The following NUDCD3 variants were observed in gnomAD, a reference collection of about 807,000 sequenced individuals.
NUDCD3 encodes nudC domain-containing protein 3.
Under a neutral mutation model 39.7 loss-of-function variants are expected in NUDCD3, and 13 were observed. The observed-to-expected ratio is 0.33, with a 90% confidence interval of 0.21 to 0.52. The LOEUF (loss-of-function observed/expected upper bound fraction) is 0.52. Among genes scored for constraint, NUDCD3 ranks in the 20% least tolerant of loss-of-function variants. The probability of loss-of-function intolerance (pLI) is 0.96; values close to 1 mark genes in which losing one functional copy is unlikely to be tolerated. For missense variants in NUDCD3, 453 were observed against 458.1 expected, an observed-to-expected ratio of 0.99 and a Z score of 0.10; for synonymous variants, 175 against 172.4, an observed-to-expected ratio of 1.02 and a Z score of -0.12.
chr7:44,386,209 C>T, intron 5 of NUDCD3, 88 bp from the exon 6 acceptor site: 1 of 1,420,654 alleles, frequency 7.0e-7, no homozygotes, highest in Non-Finnish European at 9.8e-7. Context: ...GGTAGAGAGC[C>T]TTCTTGCTTC....
intron 5 of NUDCD3, among the ~76,000 whole-genome samples, 195 bp from the exon 6 acceptor site, chr7:44,386,316 A>C (rs1798401687): frequency 6.6e-6 from 1 of 152,158 alleles, no homozygotes; most frequent in African/African-American, 2.4e-5. Context: ...GGTGCCTGCC[A>C]ATTTCTCTCC....
chr7:44,392,193 C>T, intron 5 of NUDCD3, 104 bp downstream of exon 5: 4 of 1,154,786 alleles, frequency 3.5e-6, no homozygotes, highest in Non-Finnish European at 5.0e-6. Context: ...CTGGTCCACA[C>T]AACCTTCTTC....
At chr7:44,411,356 G>T (rs1331066719) in intron 3 of NUDCD3, among the ~76,000 whole-genome samples, 1 of 152,128 alleles carries the variant, frequency 6.6e-6, no homozygotes, top group East Asian at 1.9e-4. Context: ...TAAAATGGGA[G>T]AAAATATCTG....
At chr7:44,461,749 G>A (rs148927253) in intron 2 of NUDCD3, among the ~76,000 whole-genome samples, 18 of 152,222 alleles carry the variant, frequency 1.2e-4, no homozygotes, top group East Asian at 3.9e-4. Context: ...TTTGGGATCC[G>A]GGCCCTAACC....
chr7:44,464,719 G>T (rs997758300), intron 2 of NUDCD3, among the ~76,000 whole-genome samples: 17 of 152,188 alleles, frequency 1.1e-4, no homozygotes, highest in African/African-American at 3.9e-4. Flanking sequence ...CTCCCAAAGG[G>T]CTAGGATTAC....
intron 2 of NUDCD3, among the ~76,000 whole-genome samples, chr7:44,455,887 G>A (rs889125267): frequency 2.0e-4 from 30 of 150,090 alleles, no homozygotes; most frequent in African/African-American, 5.6e-4. Flanking sequence ...TTAGCCGGGC[G>A]TAGTGGCGGG....
chr7:44,439,852 T>C (rs1055761849), intron 2 of NUDCD3, among the ~76,000 whole-genome samples: 6 of 152,068 alleles, frequency 3.9e-5, no homozygotes, highest in Admixed American at 3.3e-4. Flanking sequence ...AATAGGAAAT[T>C]GCCATTAAAA....
In NUDCD3 at chr7:44,405,103, T is replaced by C. The variant is rs185704501; in HGVS notation, c.643-520A>G. Reference sequence around the variant, plus strand: ...AGCCACTGCACTGCCTGGTTGACTATAGCCTGGTCTTCATCCAAGAGTATG... The same window carrying C: ...AGCCACTGCACTGCCTGGTTGACTACAGCCTGGTCTTCATCCAAGAGTATG... On this transcript the variant is annotated intron_variant, in intron 3 of 5. Transcript: ENST00000355451. 1.0e-3 allele frequency among the ~76,000 whole-genome samples: 159 copies of C among 152,356 alleles called. No homozygotes were observed. In the Middle Eastern group the frequency reaches 0.024, roughly 23 times the overall value.
intron 2 of NUDCD3, among the ~76,000 whole-genome samples, chr7:44,458,464 A>G (rs1799943109): frequency 6.6e-6 from 1 of 152,104 alleles, no homozygotes; most frequent in African/African-American, 2.4e-5. Context: ...GTTTGTGACT[A>G]GCCTGACCAA....
At chr7:44,468,093 C>T (rs1800162226) in intron 2 of NUDCD3, 1 of 1,611,136 alleles carries the variant, frequency 6.2e-7, no homozygotes, top group Non-Finnish European at 8.5e-7. Flanking sequence ...AACAAAAAAA[C>T]AAAGCACATG....
In NUDCD3 at chr7:44,470,823, CCAAAA is replaced by C. The variant is rs1188588445; in HGVS notation, c.509+14140_509+14144del. Reference sequence around the variant, plus strand: ...TTTATTTATCTTTACTTTGACCAAACCAAAACAAGAGTTCAAACTACTACCAAGTT... The same window carrying C: ...TTTATTTATCTTTACTTTGACCAAACCAAGAGTTCAAACTACTACCAAGTT... On this transcript the variant is annotated intron_variant, in intron 2 of 5. Coordinates refer to ENST00000355451, the MANE Select transcript of NUDCD3 (RefSeq NM_015332.4). Among the ~76,000 whole-genome samples, 4 of 152,294 alleles carry C rather than the reference CCAAAA, an allele frequency of 2.6e-5. No homozygotes were observed. In the East Asian group the frequency reaches 5.8e-4, roughly 22 times the overall value.
rs548393769 is a variant in NUDCD3 at position 44,410,673 on chromosome 7, A to G, written c.643-6090T>C. Reference sequence around the variant, plus strand: ...AGCAAGACTCTGTCTCAAAAAAAAAAAAGTCTAGTAACAGGCCAGGCATGG... The same window carrying G: ...AGCAAGACTCTGTCTCAAAAAAAAAGAAGTCTAGTAACAGGCCAGGCATGG... On this transcript the variant is annotated intron_variant, in intron 3 of 5. Transcript: ENST00000355451. Among the ~76,000 whole-genome samples, 60 of 150,194 alleles carry G rather than the reference A, an allele frequency of 4.0e-4. No homozygotes were observed. In the Middle Eastern group the frequency reaches 0.011, roughly 26 times the overall value.
chr7:44,461,849 C>G (rs565852183), intron 2 of NUDCD3, among the ~76,000 whole-genome samples: 13 of 152,104 alleles, frequency 8.5e-5, no homozygotes, highest in African/African-American at 3.1e-4. Flanking sequence ...TGCAGGGCCA[C>G]AGAAGCCAAG....
intron 5 of NUDCD3, among the ~76,000 whole-genome samples, chr7:44,391,014 TAG>T (rs934042979): frequency 6.6e-6 from 1 of 152,086 alleles, no homozygotes; most frequent in Non-Finnish European, 1.5e-5. Context: ...TTCTCTTCCA[TAG>T]AGACAAGGGC....
intron 2 of NUDCD3, among the ~76,000 whole-genome samples, chr7:44,457,026 T>C (rs1323980215): frequency 1.3e-5 from 2 of 149,268 alleles, no homozygotes; most frequent in East Asian, 3.9e-4. Context: ...TATAACCTGG[T>C]TAAAAAAAAA....
chr7:44,387,953 A>T (rs1458358775), intron 5 of NUDCD3, among the ~76,000 whole-genome samples: 1 of 152,210 alleles, frequency 6.6e-6, no homozygotes, highest in African/African-American at 2.4e-5. Flanking sequence ...GCGCAGACAG[A>T]GCAATGGCAC....
At chr7:44,452,062 T>G (rs577738339) in intron 2 of NUDCD3, among the ~76,000 whole-genome samples, 8 of 152,200 alleles carry the variant, frequency 5.3e-5, no homozygotes, top group Non-Finnish European at 1.5e-5. Context: ...CTGCCTTGAT[T>G]CAAAACTAAA....
chr7:44,424,513 T>C (rs1368917198), intron 3 of NUDCD3, among the ~76,000 whole-genome samples: 2 of 152,180 alleles, frequency 1.3e-5, no homozygotes, highest in Non-Finnish European at 2.9e-5. Context: ...AGAAGACATT[T>C]ATGTGGCCAA....
At position 44,380,423 on chromosome 7, in the gene NUDCD3, T is replaced by C. The variant is rs555489572; in HGVS notation, c.*5588A>G. On this transcript the variant is annotated 3_prime_UTR_variant, in exon 6 of 6. Transcript: ENST00000355451. ...ACCCTGGAGTCACAAAATCCCTTCT[T>C]TGCATTACCAAAAGAGGTGGTCACT... 2 of 152,334 alleles carry C rather than the reference T, an allele frequency of 1.3e-5. No individual in the cohort carries two copies. The highest frequency in any genetic ancestry group is 1.9e-4 in the East Asian group (1 of 5,176). 9.4% of individuals were successfully genotyped at this position (152,334 alleles called of 1,614,324 possible). A position where few individuals can be genotyped will look rare whatever the true frequency, so the allele number is the denominator to read the frequency against.
Sources: allele counts gnomAD v4.1 joint callset (sites outside exome capture counted in the v4.1 genomes callset), GRCh38; gene constraint gnomAD v4.1.1; transcripts MANE v1.5; gene names NCBI Gene and HGNC (gene_info 2026-07-23, HGNC 2026-07-21).